Variants in CIMAP3 observed in about 807,000 individuals in gnomAD.
CIMAP3 encodes ciliary microtubule associated protein 3, also known as ciliary microtubule-associated protein 3.
At chr1:111,337,968 T>C in the CIMAP3 span, among the ~76,000 whole-genome samples, 1 of 149,464 alleles carries the variant, frequency 6.7e-6, no homozygotes, top group Non-Finnish European at 1.5e-5. Context: ...TCAGCAAATG[T>C]AAAAGAACAG....
chr1:111,335,105 G>A, the CIMAP3 span, among the ~76,000 whole-genome samples: 1 of 125,644 alleles, frequency 8.0e-6, no homozygotes, highest in African/African-American at 3.0e-5. Context: ...TCCAGCCTGG[G>A]TTACAGAGTG....
chr1:111,331,681 G>A, the CIMAP3 span, among the ~76,000 whole-genome samples: 7 of 151,184 alleles, frequency 4.6e-5, no homozygotes, highest in African/African-American at 7.3e-5. Flanking sequence ...TTCTTTTTTG[G>A]GGGGGGCATT....
At chr1:111,326,037 A>AT in the CIMAP3 span, among the ~76,000 whole-genome samples, 13 of 152,106 alleles carry the variant, frequency 8.5e-5, no homozygotes, top group African/African-American at 2.9e-4. Flanking sequence ...GATGCATTAT[A>AT]TTTTACCTAT....
chr1:111,331,226 C>T, the CIMAP3 span, among the ~76,000 whole-genome samples: 8 of 152,034 alleles, frequency 5.3e-5, no homozygotes, highest in African/African-American at 1.9e-4. Context: ...CTTTGAGCTT[C>T]CTGAACCTGG....
the CIMAP3 span, chr1:111,347,122 G>A: frequency 1.3e-6 from 2 of 1,485,414 alleles, no homozygotes; most frequent in African/African-American, 1.4e-5. Context: ...TCCAAGTTTC[G>A]TAAAAGAAAA....
chr1:111,351,521 G>A, the CIMAP3 span: 1 of 427,288 alleles, frequency 2.3e-6, no homozygotes, highest in Admixed American at 4.0e-5. Flanking sequence ...CTACTGACTT[G>A]TGGTGTACAC....
At chr1:111,352,811 T>C in the CIMAP3 span, 1 of 152,130 alleles carries the variant, frequency 6.6e-6, no homozygotes, top group African/African-American at 2.4e-5. Flanking sequence ...TTGGAGGATA[T>C]TGATGGGGGT....
chr1:111,330,926 T>G, the CIMAP3 span, among the ~76,000 whole-genome samples: 1 of 152,214 alleles, frequency 6.6e-6, no homozygotes, highest in Non-Finnish European at 1.5e-5. Context: ...TCTTCTCCTC[T>G]CCTCCATTTC....
At chr1:111,345,587 A>C in the CIMAP3 span, among the ~76,000 whole-genome samples, 11 of 152,114 alleles carry the variant, frequency 7.2e-5, no homozygotes, top group Admixed American at 2.0e-4. Flanking sequence ...AGTCACTGTC[A>C]CCTTTTTTGG....
chr1:111,351,318 T>G, the CIMAP3 span: 2 of 1,578,320 alleles, frequency 1.3e-6, no homozygotes, highest in Non-Finnish European at 1.7e-6. Context: ...TAAGCCTGTA[T>G]TATAATTGAG....
the CIMAP3 span, among the ~76,000 whole-genome samples, chr1:111,338,758 C>T: frequency 1.3e-5 from 2 of 151,954 alleles, no homozygotes; most frequent in Non-Finnish European, 2.9e-5. Flanking sequence ...GATTCACAGC[C>T]GAATTCTACC....
chr1:111,340,462 C>T, the CIMAP3 span, among the ~76,000 whole-genome samples: 3 of 151,934 alleles, frequency 2.0e-5, no homozygotes, highest in Non-Finnish European at 4.4e-5. Context: ...ACTCATCTGA[C>T]AAAGGGCTAA....
the CIMAP3 span, among the ~76,000 whole-genome samples, chr1:111,345,916 C>A: frequency 6.6e-6 from 1 of 152,104 alleles, no homozygotes; most frequent in Non-Finnish European, 1.5e-5. Context: ...GTTTTAATCC[C>A]GTCATCTTGA....
chr1:111,328,775 C>T, the CIMAP3 span, among the ~76,000 whole-genome samples: 1 of 152,176 alleles, frequency 6.6e-6, no homozygotes, highest in Non-Finnish European at 1.5e-5. Context: ...GAAGACAGCA[C>T]ACCATTAGGT....
chr1:111,337,140 C>G, the CIMAP3 span, among the ~76,000 whole-genome samples: 6 of 152,034 alleles, frequency 3.9e-5, no homozygotes, highest in African/African-American at 1.2e-4. Flanking sequence ...TACAGACAAG[C>G]AAATGCTGAG....
At chr1:111,336,587 A>C in the CIMAP3 span, among the ~76,000 whole-genome samples, 1 of 152,238 alleles carries the variant, frequency 6.6e-6, no homozygotes, top group African/African-American at 2.4e-5. Context: ...CAACTAGAAG[A>C]AAGGGTATCA....
the CIMAP3 span, chr1:111,348,558 C>G: frequency 1.2e-6 from 2 of 1,611,584 alleles, no homozygotes; most frequent in Non-Finnish European, 1.7e-6. Flanking sequence ...AGTAAGTCCT[C>G]AGCAGGAAAA....
the CIMAP3 span, among the ~76,000 whole-genome samples, chr1:111,340,651 G>A: frequency 2.6e-5 from 4 of 152,238 alleles, no homozygotes; most frequent in Admixed American, 6.5e-5. Context: ...CAAAACCACA[G>A]TGAGATACCA....
the CIMAP3 span, chr1:111,348,612 T>A: frequency 6.2e-7 from 1 of 1,612,288 alleles, no homozygotes; most frequent in Non-Finnish European, 8.5e-7. Flanking sequence ...GGTGCCTCGA[T>A]TTAAGAACTA....
Sources: gnomAD v4.1 joint callset for allele counts (sites outside exome capture counted in the v4.1 genomes callset) on GRCh38, gnomAD v4.1.1 for gene constraint, MANE v1.5 for transcripts, NCBI Gene and HGNC (gene_info 2026-07-23, HGNC 2026-07-21) for gene names.